PTPRA: variants seen among roughly 807,000 people sequenced by gnomAD.
The protein encoded by PTPRA is receptor-type tyrosine-protein phosphatase alpha.
In PTPRA, 25 loss-of-function variants were observed where a neutral mutation model predicts 104.8. The ratio of observed to expected loss-of-function variants is 0.24; its 90% CI spans 0.17 to 0.33. PTPRA has a LOEUF of 0.33. PTPRA is among the 10% of genes least tolerant of loss of function. PTPRA has a pLI of 1.00. For synonymous variants in PTPRA, 323 were observed against 368.9 expected (o/e 0.88, Z 1.43); for missense variants, 765 against 1,015.3 (o/e 0.75, Z 3.35).
At chr20:2,973,901 G>A (rs571626922) in intron 5 of PTPRA, among the ~76,000 whole-genome samples, 11 of 151,858 alleles carry the variant, frequency 7.2e-5, no homozygotes, top group Non-Finnish European at 1.2e-4. Context: ...AAAACTTCTC[G>A]TCATTGTTAT....
chr20:2,898,506 G>A lies in PTPRA; in HGVS notation c.-128-24701G>A, dbSNP rs367877320. Among the ~76,000 whole-genome samples, 63 of 151,298 alleles carry A rather than the reference G, an allele frequency of 4.2e-4. 1 individual carries two copies. Among genetic ancestry groups the A allele is most frequent in the African/African-American group, 1.4e-3 (56 of 41,170 alleles). ...TGAGATTATAGGCATGAGCCACCAC[G>A]CCTGGTCATGTCCCCATCATTCTTT... On this transcript the variant is annotated intron_variant, in intron 1 of 23. Transcript: ENST00000399903.
chr20:2,897,247 C>A (rs2059035026), intron 1 of PTPRA, among the ~76,000 whole-genome samples: 1 of 152,052 alleles, frequency 6.6e-6, no homozygotes, highest in Admixed American at 6.6e-5. Context: ...ATATAAATAG[C>A]TTATTTCTCA....
At chr20:2,909,703 T>C (rs1401420067) in intron 1 of PTPRA, among the ~76,000 whole-genome samples, 1 of 146,844 alleles carries the variant, frequency 6.8e-6, no homozygotes, top group African/African-American at 2.5e-5. Flanking sequence ...AGTTTGAATT[T>C]CATATAATTT....
At chr20:3,027,569 G>C (rs534147882) in intron 19 of PTPRA, 138 bp from the exon 20 acceptor site, 3 of 1,186,414 alleles carry the variant, frequency 2.5e-6, no homozygotes, top group Admixed American at 5.1e-5. Flanking sequence ...ATAGGGTTTC[G>C]TCCTTGGCCA....
At position 2,950,932 on chromosome 20, in the gene PTPRA, G is replaced by C. The variant is rs1390111390; in HGVS notation, c.-7+2908G>C. 6.6e-6 allele frequency among the ~76,000 whole-genome samples: 1 copy of C among 152,034 alleles called. No homozygotes were observed. The highest frequency in any genetic ancestry group is 6.6e-5 in the Admixed American group (1 of 15,260). On this transcript the variant is annotated intron_variant, in intron 3 of 23. Transcript: ENST00000399903. The surrounding 1 kb of genome is among the most constrained non-coding windows in gnomAD (Gnocchi z 4.0). ...TATAATCTCTCCCCAAAGTTTTCTT[G>C]TGTCTTTTATAATCACTGCCTCTTG...
Position 3,026,777 on chromosome 20 carries a change from C to G in PTPRA, c.1705C>G (p.Pro569Ala). ...MKKNRVLQII[P>A]YEFNRVIIPV... ...GAAGAACCGTGTTTTACAGATCATT[C>G]CATGTAAGAGCCCTCCCGCCACTCC... The change falls in exon 18 of 24, where the codon CCA becomes GCA. Residue 569 changes from proline (P) to alanine (A), a missense_variant. Pro to Ala is a conservative substitution (Grantham distance 27). This residue lies in a region of PTPRA where 192 missense variants were observed against 227.0 expected (regional missense o/e 0.85). Coordinates refer to ENST00000399903, the MANE Select transcript of PTPRA (RefSeq NM_001385305.1). The G allele has an allele frequency of 6.2e-7, 1 of 1,604,526 alleles. No individual in the cohort carries two copies. The highest frequency in any genetic ancestry group is 8.5e-7 in the Non-Finnish European group (1 of 1,171,844).
At chr20:2,987,553 A>T (rs2148139547) in intron 7 of PTPRA, among the ~76,000 whole-genome samples, 1 of 152,230 alleles carries the variant, frequency 6.6e-6, no homozygotes, top group Non-Finnish European at 1.5e-5. Context: ...AAGAGAGAGG[A>T]ATCATGTGCC....
intron 1 of PTPRA, among the ~76,000 whole-genome samples, chr20:2,905,690 C>CTTTTTTT (rs11479039): frequency 3.8e-4 from 27 of 70,624 alleles, no homozygotes; most frequent in Non-Finnish European, 5.6e-4. Flanking sequence ...TCATAAAATT[C>CTTTTTTT]TTTTTTTTTT....
intron 9 of PTPRA, among the ~76,000 whole-genome samples, chr20:3,000,366 A>G (rs1281063359): frequency 1.3e-5 from 2 of 152,218 alleles, no homozygotes; most frequent in African/African-American, 2.4e-5. Flanking sequence ...TTTGACCAGT[A>G]TGCTATGGAA....
intron 1 of PTPRA, among the ~76,000 whole-genome samples, chr20:2,882,816 C>T (rs1317628705): frequency 1.3e-5 from 2 of 152,082 alleles, no homozygotes; most frequent in African/African-American, 4.8e-5. Flanking sequence ...TCTCTATGGG[C>T]AGGCTGTTGA....
intron 1 of PTPRA, among the ~76,000 whole-genome samples, chr20:2,910,070 A>G (rs2059610753): frequency 8.3e-6 from 1 of 120,734 alleles, no homozygotes; most frequent in Non-Finnish European, 1.6e-5. Context: ...TATATAATAT[A>G]TATGATGTAT....
At chr20:2,917,635 T>C (rs1479378457) in intron 1 of PTPRA, among the ~76,000 whole-genome samples, 1 of 152,184 alleles carries the variant, frequency 6.6e-6, no homozygotes, top group Non-Finnish European at 1.5e-5. Context: ...TTTTGGTAGC[T>C]GGAGAGTTTT....
At chr20:2,967,943 A>G (rs1260723301) in intron 5 of PTPRA, among the ~76,000 whole-genome samples, 2 of 152,196 alleles carry the variant, frequency 1.3e-5, no homozygotes, top group Non-Finnish European at 2.9e-5. Context: ...TCTGTTAGAT[A>G]ATCTATTTCT....
In PTPRA at chr20:3,038,576, C is replaced by T. The variant is rs2065909317; in HGVS notation, c.*443C>T. 1 of 180,260 alleles carries T rather than the reference C, an allele frequency of 5.5e-6. No homozygotes were observed. The highest frequency in any genetic ancestry group is 1.2e-5 in the Non-Finnish European group (1 of 85,722). 11.2% of individuals were successfully genotyped at this position (180,260 alleles called of 1,614,324 possible). On this transcript the variant is annotated 3_prime_UTR_variant, in exon 24 of 24. Transcript: ENST00000399903. Reference sequence around the variant, plus strand: ...TCTCTCCCTGGTCCCCTCCCCCATCCCCACCACTGATATCATGGGGAGTAA... The same window carrying T: ...TCTCTCCCTGGTCCCCTCCCCCATCTCCACCACTGATATCATGGGGAGTAA...
At chr20:2,990,789 G>A (rs6084226) in intron 9 of PTPRA, among the ~76,000 whole-genome samples, 1 of 152,106 alleles carries the variant, frequency 6.6e-6, no homozygotes, top group Non-Finnish European at 1.5e-5. Context: ...TCACAGAATA[G>A]GAGGTCTGGT....
intron 5 of PTPRA, among the ~76,000 whole-genome samples, chr20:2,971,213 A>G (rs1222526534): frequency 6.6e-6 from 1 of 152,200 alleles, no homozygotes; most frequent in African/African-American, 2.4e-5. Context: ...AAAAGTTTGT[A>G]TTGATCATGT....
chr20:2,996,453 C>T (rs1030213094), intron 9 of PTPRA, among the ~76,000 whole-genome samples: 2 of 152,164 alleles, frequency 1.3e-5, no homozygotes, highest in African/African-American at 4.8e-5. Flanking sequence ...TAGTAACCAT[C>T]AGATGGGGAA....
At chr20:2,998,016 C>G (rs2063470049) in intron 9 of PTPRA, among the ~76,000 whole-genome samples, 1 of 152,042 alleles carries the variant, frequency 6.6e-6, no homozygotes, top group Admixed American at 6.6e-5. Flanking sequence ...GTAGTTCTAG[C>G]TACTCAGGGG....
At chr20:2,894,014 A>T (rs1412309227) in intron 1 of PTPRA, among the ~76,000 whole-genome samples, 1 of 152,160 alleles carries the variant, frequency 6.6e-6, no homozygotes, top group Non-Finnish European at 1.5e-5. Flanking sequence ...TTTTCAAGAA[A>T]GTTTTTTTTA....
Sources: gnomAD v4.1 joint callset for allele counts (sites outside exome capture counted in the v4.1 genomes callset) on GRCh38, gnomAD v4.1.1 for gene constraint, gnomAD v4.1.1 regional missense constraint, Gnocchi (gnomAD v3.1) non-coding constraint, MANE v1.5 for transcripts, NCBI Gene and HGNC (gene_info 2026-07-23, HGNC 2026-07-21) for gene names.